The following SYNPR variants were observed in gnomAD, a reference collection of about 807,000 sequenced individuals.
SYNPR encodes synaptoporin.
SYNPR carries 23 observed loss-of-function variants against 32.9 expected under a neutral mutation model. That is an observed-to-expected ratio of 0.70 (90% CI 0.50 to 0.99). The LOEUF (loss-of-function observed/expected upper bound fraction) is 0.99. Among genes scored for constraint, SYNPR ranks in the 50% least tolerant of loss-of-function variants. SYNPR has a pLI of 0.00. For synonymous variants in SYNPR, 146 were observed against 135.9 expected, an observed-to-expected ratio of 1.07 and a Z score of -0.52; for missense variants, 318 against 349.3, an observed-to-expected ratio of 0.91 and a Z score of 0.71.
chr3:63,272,176 C>T (rs1050814223), intron 3 of SYNPR, among the ~76,000 whole-genome samples: 1 of 152,158 alleles, frequency 6.6e-6, no homozygotes, highest in Non-Finnish European at 1.5e-5. Flanking sequence ...TCATCTGCTG[C>T]CAGATATTTT....
intron 2 of SYNPR, among the ~76,000 whole-genome samples, chr3:63,371,545 C>T (rs1351469726): frequency 6.6e-6 from 1 of 152,198 alleles, no homozygotes; most frequent in Non-Finnish European, 1.5e-5. Context: ...GGACGGAGCT[C>T]CCAGAGGGAG....
chr3:63,232,606 G>T (rs1208913315), intron 1 of SYNPR, among the ~76,000 whole-genome samples: 1 of 152,184 alleles, frequency 6.6e-6, no homozygotes, highest in Non-Finnish European at 1.5e-5. Context: ...AGGATGGCTT[G>T]TAGGAAATAC....
intron 2 of SYNPR, among the ~76,000 whole-genome samples, chr3:63,336,078 T>A (rs1169842190): frequency 6.6e-6 from 1 of 152,184 alleles, no homozygotes; most frequent in Admixed American, 6.5e-5. Flanking sequence ...AAAATAGAAA[T>A]GTTAAAAACA....
chr3:63,471,620 G>A (rs963590788), intron 2 of SYNPR, among the ~76,000 whole-genome samples: 21 of 152,306 alleles, frequency 1.4e-4, no homozygotes, highest in Admixed American at 1.3e-3. Flanking sequence ...GGAGCATGAG[G>A]GAGGCCGCAG....
At chr3:63,205,861 A>G in the SYNPR span, among the ~76,000 whole-genome samples, 1 of 152,230 alleles carries the variant, frequency 6.6e-6, no homozygotes, top group African/African-American at 2.4e-5. Flanking sequence ...TTTTATGGAA[A>G]TAACTGGACA....
At chr3:63,377,293 G>A (rs2087906960) in intron 2 of SYNPR, among the ~76,000 whole-genome samples, 1 of 152,060 alleles carries the variant, frequency 6.6e-6, no homozygotes, top group Admixed American at 6.6e-5. Context: ...TGGATTTTTA[G>A]CCAGTGGTTC....
chr3:63,405,559 T>C (rs576971243), intron 2 of SYNPR, among the ~76,000 whole-genome samples: 34 of 152,288 alleles, frequency 2.2e-4, no homozygotes, highest in Admixed American at 2.0e-3. Flanking sequence ...CCATAGACTG[T>C]GTTAAAGAAA....
chr3:63,301,195 C>T (rs1397920363), intron 2 of SYNPR, among the ~76,000 whole-genome samples: 2 of 152,018 alleles, frequency 1.3e-5, no homozygotes, highest in Non-Finnish European at 1.5e-5. Flanking sequence ...TATTTTGTTT[C>T]AGTAGTATTA....
intron 1 of SYNPR, among the ~76,000 whole-genome samples, chr3:63,237,089 A>G (rs757591255): frequency 3.9e-5 from 6 of 152,090 alleles, no homozygotes; most frequent in Non-Finnish European, 8.8e-5. Flanking sequence ...GGGGTTTATT[A>G]TACATTTATT....
chr3:63,301,086 T>G (rs1372823222), intron 2 of SYNPR, among the ~76,000 whole-genome samples: 2 of 152,128 alleles, frequency 1.3e-5, no homozygotes, highest in African/African-American at 4.8e-5. Context: ...CTTCCCCTAC[T>G]TTTGAGTCAT....
At chr3:63,321,605 C>G (rs1276768440) in intron 2 of SYNPR, among the ~76,000 whole-genome samples, 1 of 152,060 alleles carries the variant, frequency 6.6e-6, no homozygotes, top group East Asian at 1.9e-4. Context: ...TTTATTCTCT[C>G]TATAGTCTGA....
At chr3:63,421,151 G>A (rs1699790507) in intron 2 of SYNPR, among the ~76,000 whole-genome samples, 3 of 152,104 alleles carry the variant, frequency 2.0e-5, no homozygotes, top group Admixed American at 6.5e-5. Flanking sequence ...CGAAATTGCC[G>A]GGATTACAGG....
intron 2 of SYNPR, among the ~76,000 whole-genome samples, chr3:63,257,378 A>C (rs993994144): frequency 2.0e-5 from 3 of 152,238 alleles, no homozygotes; most frequent in Admixed American, 2.0e-4. Context: ...TCTCAGCAGA[A>C]ACTCTACAAG....
chr3:63,272,729 C>A (rs147559737), intron 3 of SYNPR, among the ~76,000 whole-genome samples: 1 of 152,184 alleles, frequency 6.6e-6, no homozygotes, highest in South Asian at 2.1e-4. Flanking sequence ...TTCTGTTTTC[C>A]CACACATAGC....
At chr3:63,417,696 G>A (rs964647421) in intron 2 of SYNPR, among the ~76,000 whole-genome samples, 1 of 152,236 alleles carries the variant, frequency 6.6e-6, no homozygotes, top group African/African-American at 2.4e-5. Context: ...GCACTGGCAG[G>A]CTCAACCCCA....
At chr3:63,264,508 A>T (rs2086464580) in intron 2 of SYNPR, among the ~76,000 whole-genome samples, 1 of 152,194 alleles carries the variant, frequency 6.6e-6, no homozygotes, top group African/African-American at 2.4e-5. Flanking sequence ...TTATAAACGG[A>T]AACAACTCCT....
intron 3 of SYNPR, among the ~76,000 whole-genome samples, chr3:63,536,973 A>G (rs1702220658): frequency 6.6e-6 from 1 of 152,078 alleles, no homozygotes; most frequent in Admixed American, 6.6e-5. Flanking sequence ...GCTAATAGGT[A>G]TGAGGCTTCT....
intron 4 of SYNPR, among the ~76,000 whole-genome samples, chr3:63,587,715 T>C (rs1038985546): frequency 6.6e-6 from 1 of 152,100 alleles, no homozygotes; most frequent in Non-Finnish European, 1.5e-5. Context: ...TTTTGTTTTA[T>C]TTTTTAATTT....
intron 2 of SYNPR, among the ~76,000 whole-genome samples, chr3:63,308,784 T>A (rs2086932833): frequency 6.6e-6 from 1 of 151,976 alleles, no homozygotes; most frequent in Non-Finnish European, 1.5e-5. Flanking sequence ...TATGATGTAC[T>A]TTGGTATGGT....
Sources: gnomAD v4.1 joint callset for allele counts (sites outside exome capture counted in the v4.1 genomes callset) on GRCh38, gnomAD v4.1.1 for gene constraint, MANE v1.5 for transcripts, NCBI Gene and HGNC (gene_info 2026-07-23, HGNC 2026-07-21) for gene names.